The following ASB4 variants were observed in gnomAD, a reference collection of about 807,000 sequenced individuals.
ASB4 encodes ankyrin repeat and SOCS box containing 4, also known as ankyrin repeat and SOCS box protein 4.
Under a neutral mutation model 38.6 loss-of-function variants are expected in ASB4, and 35 were observed. That is an observed-to-expected ratio of 0.91 (90% CI 0.69 to 1.20). The LOEUF (loss-of-function observed/expected upper bound fraction) is 1.20, where lower values mean the gene tolerates loss of function less well. ASB4 is among the 50% of genes most tolerant of loss of function. The pLI is 0.00. For synonymous variants in ASB4, 195 were observed against 201.3 expected, an observed-to-expected ratio of 0.97 and a Z score of 0.26; for missense variants, 557 against 527.2, an observed-to-expected ratio of 1.06 and a Z score of -0.55.
chr7:95,515,604 C>A (rs183608239), intron 2 of ASB4, among the ~76,000 whole-genome samples: 2 of 151,888 alleles, frequency 1.3e-5, no homozygotes, highest in Non-Finnish European at 2.9e-5. Flanking sequence ...TTCATAGAGA[C>A]GGGGTTTCCC....
chr7:95,512,691 G>A (rs1251220784), intron 2 of ASB4, among the ~76,000 whole-genome samples: 3 of 152,128 alleles, frequency 2.0e-5, no homozygotes, highest in Non-Finnish European at 4.4e-5. Context: ...ATATGCCACA[G>A]AGCAGACTTT....
chr7:95,484,847 G>A (rs2116571210), upstream of ASB4, among the ~76,000 whole-genome samples: 1 of 151,766 alleles, frequency 6.6e-6, no homozygotes, highest in Admixed American at 6.6e-5. Flanking sequence ...CAAACTTACA[G>A]AAAAGCTGAA....
At chr7:95,496,651 A>C (rs973631411) in intron 2 of ASB4, among the ~76,000 whole-genome samples, 1 of 152,164 alleles carries the variant, frequency 6.6e-6, no homozygotes, top group Non-Finnish European at 1.5e-5. Flanking sequence ...GTTCGAGACC[A>C]GTCTCGGCAA....
At chr7:95,535,612 T>C in intron 3 of ASB4, among the ~76,000 whole-genome samples, 1 of 152,366 alleles carries the variant, frequency 6.6e-6, no homozygotes. Context: ...AACATCCATG[T>C]AGTTTAATCT....
At chr7:95,517,278 C>G (rs1261246979) in intron 2 of ASB4, among the ~76,000 whole-genome samples, 1 of 152,174 alleles carries the variant, frequency 6.6e-6, no homozygotes, top group Non-Finnish European at 1.5e-5. Flanking sequence ...AGGCAATCCT[C>G]CTGCCTCAGA....
upstream of ASB4, among the ~76,000 whole-genome samples, chr7:95,482,359 A>G (rs547585869): frequency 7.9e-5 from 12 of 152,294 alleles, no homozygotes; most frequent in African/African-American, 2.6e-4. Context: ...TTAAATTTGC[A>G]TCCAGATATT....
intron 3 of ASB4, chr7:95,528,653 G>A: frequency 1.7e-6 from 2 of 1,194,736 alleles, no homozygotes; most frequent in Non-Finnish European, 2.1e-6. Flanking sequence ...TAAACAGAAT[G>A]ACTGATCTAA....
intron 2 of ASB4, among the ~76,000 whole-genome samples, chr7:95,511,164 G>A (rs1790473975): frequency 6.6e-6 from 1 of 152,152 alleles, no homozygotes; most frequent in South Asian, 2.1e-4. Flanking sequence ...GCTTCTTGAA[G>A]TTTTTACTAA....
At chr7:95,523,124 T>C (rs1790686040) in intron 2 of ASB4, among the ~76,000 whole-genome samples, 1 of 152,162 alleles carries the variant, frequency 6.6e-6, no homozygotes, top group Non-Finnish European at 1.5e-5. Context: ...TACACCAAAA[T>C]AAAATCCAGA....
intron 1 of ASB4, among the ~76,000 whole-genome samples, chr7:95,494,927 A>AT (rs893312709): frequency 1.3e-5 from 2 of 152,182 alleles, no homozygotes; most frequent in African/African-American, 4.8e-5. Context: ...CTGCCCAATC[A>AT]TTTATGTATG....
At chr7:95,513,201 C>G (rs979465447) in intron 2 of ASB4, among the ~76,000 whole-genome samples, 2 of 140,996 alleles carry the variant, frequency 1.4e-5, no homozygotes, top group African/African-American at 5.4e-5. Context: ...TCTATACATT[C>G]TGGTTGACTT....
intron 3 of ASB4, among the ~76,000 whole-genome samples, chr7:95,531,548 A>G (rs1466715230): frequency 2.0e-5 from 3 of 152,220 alleles, no homozygotes; most frequent in African/African-American, 7.2e-5. Context: ...GCACGGTGCC[A>G]TGGGCATGGT....
chr7:95,549,491 G>T, the ASB4 span, among the ~76,000 whole-genome samples: 1 of 151,678 alleles, frequency 6.6e-6, no homozygotes, highest in Non-Finnish European at 1.5e-5. Context: ...TAGAGACAGG[G>T]TTTCACCGTG....
intron 2 of ASB4, among the ~76,000 whole-genome samples, chr7:95,501,056 A>G (rs1360267659): frequency 6.6e-6 from 1 of 152,200 alleles, no homozygotes; most frequent in Non-Finnish European, 1.5e-5. Flanking sequence ...TAGTTTAAAC[A>G]TGCAAGCTTT....
chr7:95,520,071 G>A (rs1439778045), intron 2 of ASB4, among the ~76,000 whole-genome samples: 2 of 152,140 alleles, frequency 1.3e-5, no homozygotes, highest in Non-Finnish European at 2.9e-5. Context: ...TCTAAGCCCA[G>A]AAAAACCTTT....
chr7:95,530,692 G>T (rs760307585), intron 3 of ASB4, among the ~76,000 whole-genome samples: 2 of 152,116 alleles, frequency 1.3e-5, no homozygotes, highest in East Asian at 1.9e-4. Context: ...CATATATGTC[G>T]CCTTGTAAGC....
At chr7:95,492,606 A>AT (rs1585796356) in intron 1 of ASB4, among the ~76,000 whole-genome samples, 1 of 152,114 alleles carries the variant, frequency 6.6e-6, no homozygotes, top group Non-Finnish European at 1.5e-5. Flanking sequence ...TGTTTCTTTG[A>AT]TTTTACATCA....
At chr7:95,513,255 T>TTG (rs1790509137) in intron 2 of ASB4, among the ~76,000 whole-genome samples, 1 of 18,876 alleles carries the variant, frequency 5.3e-5, no homozygotes, top group African/African-American at 1.1e-4. Flanking sequence ...TTTTGTTTGT[T>TTG]TTTTTTTTTT....
chr7:95,485,056 GTATA>G (rs34952249), upstream of ASB4, among the ~76,000 whole-genome samples: 1 of 149,876 alleles, frequency 6.7e-6, no homozygotes, highest in Non-Finnish European at 1.5e-5. Context: ...GTGTATATAT[GTATA>G]TATATGTATA....
Sources: allele counts gnomAD v4.1 joint callset (sites outside exome capture counted in the v4.1 genomes callset), GRCh38; gene constraint gnomAD v4.1.1; transcripts MANE v1.5; gene names NCBI Gene and HGNC (gene_info 2026-07-23, HGNC 2026-07-21).